Variants in CCPG1 observed in about 807,000 individuals in gnomAD.
CCPG1 encodes the protein cell cycle progression 1, also known as cell cycle progression protein 1.
In CCPG1, 46 loss-of-function variants were observed where a neutral mutation model predicts 81.3. That is an observed-to-expected ratio of 0.57 (90% CI 0.45 to 0.72). The LOEUF is 0.72. Among genes scored for constraint, CCPG1 ranks in the 30% least tolerant of loss-of-function variants. The pLI, the probability that CCPG1 is intolerant of heterozygous loss-of-function variation, is 0.00. For synonymous variants in CCPG1, 330 were observed against 305.2 expected, an observed-to-expected ratio of 1.08 and a Z score of -0.85; for missense variants, 902 against 937.6, an observed-to-expected ratio of 0.96 and a Z score of 0.50.
chr15:55,394,469 T>G (rs1463554344), intron 1 of CCPG1, among the ~76,000 whole-genome samples: 1 of 152,130 alleles, frequency 6.6e-6, no homozygotes, highest in African/African-American at 2.4e-5. Context: ...TTCTCCACTG[T>G]GTGAAAGCTT....
chr15:55,359,555 G>T lies in CCPG1; in HGVS notation c.2218C>A (p.Pro740Thr), dbSNP rs1344423427. The T allele has an allele frequency of 6.2e-7, 1 of 1,607,862 alleles. No individual in the cohort carries two copies. The highest frequency in any genetic ancestry group is 1.7e-5 in the Admixed American group (1 of 58,932). ...TAAACCGACCTGGGTCCATATGGAG[G>T]GGAAAAAGTGTGACCAAAGAAGTGT... ...YRHFFGHTFS[P>T]PYGPSRPDKK... is the part of the protein sequence containing the mutation. Residue 740 changes from proline (P) to threonine (T), a missense_variant, in exon 8 of 9, where the codon CCT (proline) becomes ACT (threonine). By Grantham distance (38) the Pro-to-Thr change is conservative. Coordinates refer to ENST00000442196, the MANE Select transcript of CCPG1 (RefSeq NM_001204450.2).
At chr15:55,371,405 TG>T (rs1243667677) in intron 6 of CCPG1, among the ~76,000 whole-genome samples, 1 of 152,206 alleles carries the variant, frequency 6.6e-6, no homozygotes, top group Admixed American at 6.5e-5. Flanking sequence ...ACATTTCAAA[TG>T]TAACTATTTC....
chr15:55,371,928 C>G lies in CCPG1; in HGVS notation c.571G>C (p.Glu191Gln). 1 of 1,614,208 alleles carries G rather than the reference C, an allele frequency of 6.2e-7. No individual in the cohort carries two copies. Among genetic ancestry groups the G allele is most frequent in the East Asian group, 2.2e-5 (1 of 44,884 alleles). Residue 191 changes from glutamate (E) to glutamine (Q), a missense_variant, in exon 6 of 9, where the codon GAA (glutamate) becomes CAA (glutamine). Coordinates refer to ENST00000442196, the MANE Select transcript of CCPG1 (RefSeq NM_001204450.2). ...RKKTVSASESEDRLVAEQETE... is the reference protein window; with the variant it reads ...RKKTVSASESQDRLVAEQETE... ...TCTTGTTCAGCAACTAGCCGGTCTT[C>G]AGATTCTGAAGCAGAAACGGTCTTC...
intron 6 of CCPG1, among the ~76,000 whole-genome samples, chr15:55,371,565 G>T (rs941584804): frequency 4.6e-5 from 7 of 152,006 alleles, no homozygotes; most frequent in African/African-American, 1.7e-4. Context: ...AACATATATG[G>T]TTATTATCCT....
chr15:55,376,234 C>T (rs2056562369), intron 5 of CCPG1, among the ~76,000 whole-genome samples: 1 of 152,132 alleles, frequency 6.6e-6, no homozygotes, highest in Non-Finnish European at 1.5e-5. Flanking sequence ...CTGATATATC[C>T]AGGAACTTTA....
chr15:55,399,685 T>C (rs2057089769), intron 1 of CCPG1: 2 of 152,152 alleles, frequency 1.3e-5, no homozygotes, highest in African/African-American at 4.8e-5. Context: ...AGGTTGAGCC[T>C]TCAGAGAGTA....
intron 5 of CCPG1, among the ~76,000 whole-genome samples, chr15:55,374,726 G>A (rs920800794): frequency 1.3e-5 from 2 of 152,170 alleles, no homozygotes; most frequent in Non-Finnish European, 2.9e-5. Context: ...CGCCTCCTGG[G>A]TTCAAGAGAT....
intron 1 of CCPG1, among the ~76,000 whole-genome samples, chr15:55,395,216 A>C (rs2141331050): frequency 6.6e-6 from 1 of 152,250 alleles, no homozygotes; most frequent in South Asian, 2.1e-4. Context: ...CAATTTGGAT[A>C]AGCAAAACTA....
chr15:55,392,172 A>G (rs901740942), intron 1 of CCPG1, among the ~76,000 whole-genome samples: 2 of 151,860 alleles, frequency 1.3e-5, no homozygotes, highest in Non-Finnish European at 2.9e-5. Flanking sequence ...AATAAAAAAG[A>G]CAATCTAGTA....
intron 7 of CCPG1, among the ~76,000 whole-genome samples, chr15:55,364,907 T>C (rs1183646733): frequency 6.6e-6 from 1 of 152,076 alleles, no homozygotes; most frequent in African/African-American, 2.4e-5. Flanking sequence ...ACAAACTAGC[T>C]CTGCCAGTTG....
intron 5 of CCPG1, chr15:55,373,137 A>C (rs1243342508): frequency 2.4e-6 from 1 of 425,008 alleles, no homozygotes; most frequent in Non-Finnish European, 4.6e-6. Context: ...CAAGTCCAGG[A>C]AACAAATTCC....
chr15:55,376,635 C>A (rs560415982), intron 5 of CCPG1, among the ~76,000 whole-genome samples: 7 of 152,264 alleles, frequency 4.6e-5, no homozygotes, highest in Admixed American at 2.6e-4. Flanking sequence ...CATCCCCAAT[C>A]TCCCACTCTT....
In CCPG1 at chr15:55,389,348, A is replaced by G; in HGVS notation, c.60+17T>C. On this transcript the variant is annotated intron_variant, in intron 2 of 8. Transcript: ENST00000442196. ...TAATATTACAAATTACCTTATAAAAAGTATTAAATATCATACCTCATGACT... is the reference window on the plus strand; with the variant it reads ...TAATATTACAAATTACCTTATAAAAGGTATTAAATATCATACCTCATGACT... 5 of 1,533,554 alleles carry G rather than the reference A, an allele frequency of 3.3e-6. No individual in the cohort carries two copies. Among genetic ancestry groups the G allele is most frequent in the Non-Finnish European group, 4.5e-6 (5 of 1,108,330 alleles). 95.0% of individuals were successfully genotyped at this position (1,533,554 alleles called of 1,614,324 possible). A position where few individuals can be genotyped will look rare whatever the true frequency, so the allele number is the denominator to read the frequency against.
At chr15:55,364,296 C>T (rs1427963739) in intron 7 of CCPG1, among the ~76,000 whole-genome samples, 1 of 150,378 alleles carries the variant, frequency 6.6e-6, no homozygotes, top group Non-Finnish European at 1.5e-5. Flanking sequence ...CATGCTCTCC[C>T]TTCCATCAGA....
chr15:55,391,781 A>T (rs1362809487), intron 1 of CCPG1, among the ~76,000 whole-genome samples: 1 of 151,068 alleles, frequency 6.6e-6, no homozygotes, highest in Non-Finnish European at 1.5e-5. Flanking sequence ...CCTTGAGGCC[A>T]GGAGTTCAAG....
chr15:55,378,446 C>A (rs1252150999), intron 3 of CCPG1, 70 bp from the exon 4 acceptor site: 10 of 882,498 alleles, frequency 1.1e-5, no homozygotes, highest in Non-Finnish European at 1.8e-5. Flanking sequence ...CTGCAGCCAA[C>A]ATATAATCTG....
chr15:55,356,580 GT>G, intron 8 of CCPG1, 171 bp from the exon 9 acceptor site: 2 of 1,238,798 alleles, frequency 1.6e-6, no homozygotes, highest in South Asian at 3.1e-5. Flanking sequence ...GTCTGTATTA[GT>G]TTTTTTGTCC....
At chr15:55,358,610 C>T (rs1327133061) in intron 8 of CCPG1, 1 of 985,322 alleles carries the variant, frequency 1.0e-6, no homozygotes, top group Non-Finnish European at 1.2e-6. Flanking sequence ...CCAAAAGCTA[C>T]TTTAAAAACT....
intron 7 of CCPG1, among the ~76,000 whole-genome samples, chr15:55,362,814 AG>A (rs1177724265): frequency 1.3e-5 from 2 of 152,144 alleles, no homozygotes; most frequent in Non-Finnish European, 2.9e-5. Context: ...CCAAGGTGGG[AG>A]GATCACTTGA....
Sources: gnomAD v4.1 joint callset for allele counts (sites outside exome capture counted in the v4.1 genomes callset) on GRCh38, gnomAD v4.1.1 for gene constraint, MANE v1.5 for transcripts, NCBI Gene and HGNC (gene_info 2026-07-23, HGNC 2026-07-21) for gene names.